Variants in PARD3 observed in about 807,000 individuals in gnomAD.
PARD3 encodes the protein par-3 family cell polarity regulator.
Under a neutral mutation model 155.4 loss-of-function variants are expected in PARD3, and 75 were observed. That is an observed-to-expected ratio of 0.48 (90% CI 0.40 to 0.58). PARD3 has a LOEUF of 0.58. PARD3 is among the 20% of genes least tolerant of loss of function. The probability of loss-of-function intolerance (pLI) is 0.00; values close to 1 mark genes in which losing one functional copy is unlikely to be tolerated. For missense variants in PARD3, 1,642 were observed against 1,721.7 expected (o/e 0.95, Z 0.82); for synonymous variants, 576 against 610.5 (o/e 0.94, Z 0.83).
chr10:34,211,041 A>T (rs1442103698), intron 22 of PARD3, among the ~76,000 whole-genome samples: 1 of 152,166 alleles, frequency 6.6e-6, no homozygotes, highest in Non-Finnish European at 1.5e-5. Flanking sequence ...TCTCATTAAC[A>T]CGGATTAACA....
At chr10:34,366,664 A>C (rs1288055323) in intron 12 of PARD3, among the ~76,000 whole-genome samples, 1 of 152,230 alleles carries the variant, frequency 6.6e-6, no homozygotes, top group Non-Finnish European at 1.5e-5. Flanking sequence ...ATATGCAGGT[A>C]GGTATCTGAG....
In PARD3 at chr10:34,539,827, T is replaced by C. The variant is rs113796713; in HGVS notation, c.223-22668A>G. On this transcript the variant is annotated intron_variant, in intron 2 of 24. Coordinates refer to ENST00000374788, the MANE Select transcript of PARD3 (RefSeq NM_001184785.2). ...GGGACATCCCATTGGCTTCCTGAAA[T>C]AGGCCAGGGCGGGAGTGTGTACACC... Among the ~76,000 whole-genome samples, 362 of 152,332 alleles carry C rather than the reference T, an allele frequency of 2.4e-3. 3 individuals are homozygous for C. The highest frequency in any genetic ancestry group is 8.0e-3 in the African/African-American group (334 of 41,588).
chr10:34,345,063 T>C (rs1215786106), intron 15 of PARD3: 1 of 983,184 alleles, frequency 1.0e-6, no homozygotes, highest in Non-Finnish European at 1.2e-6. Context: ...CTTACAGATG[T>C]AGATAATTAT....
chr10:34,555,716 G>A (rs2084926389), intron 2 of PARD3, among the ~76,000 whole-genome samples: 1 of 151,880 alleles, frequency 6.6e-6, no homozygotes, highest in Admixed American at 6.6e-5. Context: ...TCCAAGCTCT[G>A]GTGGTACCCT....
At chr10:34,281,912 T>C (rs1401948334) in intron 21 of PARD3, among the ~76,000 whole-genome samples, 1 of 152,104 alleles carries the variant, frequency 6.6e-6, no homozygotes, top group Non-Finnish European at 1.5e-5. Flanking sequence ...GAGAGGTATT[T>C]CACTACTAGT....
At chr10:34,168,500 T>C (rs588279) in intron 22 of PARD3, among the ~76,000 whole-genome samples, 36,175 of 152,060 alleles carry the variant, frequency 0.24, 4,469 homozygotes, top group Middle Eastern at 0.37. Context: ...GGCCACACAT[T>C]GCTATGTGGT....
At chr10:34,226,529 G>T (rs574293506) in intron 22 of PARD3, among the ~76,000 whole-genome samples, 1 of 152,294 alleles carries the variant, frequency 6.6e-6, no homozygotes, top group African/African-American at 2.4e-5. Context: ...CAGCCTGGGG[G>T]AAAGAGCGAA....
intron 4 of PARD3, among the ~76,000 whole-genome samples, chr10:34,460,862 T>C (rs1052294751): frequency 2.0e-5 from 3 of 152,004 alleles, no homozygotes; most frequent in Non-Finnish European, 4.4e-5. Context: ...AAAAATAAAA[T>C]GGGTACAGCA....
At chr10:34,302,495 G>A (rs1957201924) in intron 20 of PARD3, among the ~76,000 whole-genome samples, 1 of 152,150 alleles carries the variant, frequency 6.6e-6, no homozygotes, top group Non-Finnish European at 1.5e-5. Flanking sequence ...TGAGCATACA[G>A]CTGGGATTTG....
chr10:34,379,976 C>T (rs1328787835), intron 9 of PARD3, among the ~76,000 whole-genome samples: 1 of 152,052 alleles, frequency 6.6e-6, no homozygotes, highest in Non-Finnish European at 1.5e-5. Context: ...TGAAGAACTG[C>T]TGCCACTCAA....
rs58877037 is a variant in PARD3 at position 34,482,032 on chromosome 10, C to CTTTTTTTTT, written c.404-11778_404-11770dup. ...ACCACTGTGCCCTGCTAATTTTTAT[C>CTTTTTTTTT]TTTTTTTTTTTTTTTTTTTTGAAGC... On this transcript the variant is annotated intron_variant, in intron 3 of 24. Transcript: ENST00000374788. 7.7e-3 allele frequency among the ~76,000 whole-genome samples: 787 copies of CTTTTTTTTT among 101,566 alleles called. 62 individuals carry two copies. The highest frequency in any genetic ancestry group is 0.037 in the African/African-American group (753 of 20,426). The allele number at this position is 101,566 out of a possible 152,430, so 66.6% of individuals were successfully genotyped here.
intron 2 of PARD3, among the ~76,000 whole-genome samples, chr10:34,639,358 CTG>C (rs2092592067): frequency 6.7e-6 from 1 of 150,046 alleles, no homozygotes; most frequent in Non-Finnish European, 1.5e-5. Context: ...GAGCAAGACT[CTG>C]TCTCAAAAAA....
intron 2 of PARD3, among the ~76,000 whole-genome samples, chr10:34,589,475 CAGG>C (rs1366647972): frequency 6.6e-6 from 1 of 152,010 alleles, no homozygotes; most frequent in Admixed American, 6.6e-5. Flanking sequence ...ACGCACACAG[CAGG>C]AGAACTCCAT....
At chr10:34,594,153 T>A (rs2088997932) in intron 2 of PARD3, among the ~76,000 whole-genome samples, 1 of 152,182 alleles carries the variant, frequency 6.6e-6, no homozygotes, top group Non-Finnish European at 1.5e-5. Context: ...TAGTCAATCA[T>A]ATGCCCTGAG....
At chr10:34,236,294 A>C (rs927882690) in intron 22 of PARD3, among the ~76,000 whole-genome samples, 4 of 152,166 alleles carry the variant, frequency 2.6e-5, no homozygotes, top group Non-Finnish European at 5.9e-5. Context: ...TACTGGGCTA[A>C]ACACAGATAT....
chr10:34,718,197 T>C (rs930958330), intron 1 of PARD3, among the ~76,000 whole-genome samples: 4 of 146,338 alleles, frequency 2.7e-5, no homozygotes, highest in African/African-American at 1.0e-4. Flanking sequence ...GCCATAGGTA[T>C]ATGAAAAGGT....
At chr10:34,273,126 C>A (rs1448373580) in intron 21 of PARD3, among the ~76,000 whole-genome samples, 1 of 152,086 alleles carries the variant, frequency 6.6e-6, no homozygotes, top group Non-Finnish European at 1.5e-5. Flanking sequence ...GTACGTATCC[C>A]AAAGTTGTGA....
intron 2 of PARD3, among the ~76,000 whole-genome samples, chr10:34,661,348 A>G (rs2093320789): frequency 6.6e-6 from 1 of 152,238 alleles, no homozygotes; most frequent in Admixed American, 6.5e-5. Context: ...CAAAAATGCT[A>G]AAAGAAATGT....
At chr10:34,805,479 T>C (rs1393301211) in intron 1 of PARD3, among the ~76,000 whole-genome samples, 1 of 151,188 alleles carries the variant, frequency 6.6e-6, no homozygotes, top group Admixed American at 6.6e-5. Flanking sequence ...TTGACTATCA[T>C]CTCTAAAATG....
Sources: gnomAD v4.1 joint callset for allele counts (sites outside exome capture counted in the v4.1 genomes callset) on GRCh38, gnomAD v4.1.1 for gene constraint, MANE v1.5 for transcripts, NCBI Gene and HGNC (gene_info 2026-07-23, HGNC 2026-07-21) for gene names.